The following APBA2 variants were observed in gnomAD, a reference collection of about 807,000 sequenced individuals.
The protein encoded by APBA2 is amyloid-beta A4 precursor protein-binding family A member 2.
Under a neutral mutation model 75.0 loss-of-function variants are expected in APBA2, and 30 were observed. The observed-to-expected ratio is 0.40, with a 90% CI of 0.30 to 0.54. APBA2 has a LOEUF of 0.54. Among genes scored for constraint, APBA2 ranks in the 20% least tolerant of loss-of-function variants. The pLI, the probability that APBA2 is intolerant of heterozygous loss-of-function variation, is 0.49. For missense variants in APBA2, 801 were observed against 1,016.1 expected (o/e 0.79, Z 2.88); for synonymous variants, 444 against 409.6 (o/e 1.08, Z -1.01).
intron 8 of APBA2, among the ~76,000 whole-genome samples, chr15:29,097,457 C>T (rs898655338): frequency 1.3e-5 from 2 of 152,226 alleles, no homozygotes; most frequent in African/African-American, 4.8e-5. Flanking sequence ...AGGTAGATTT[C>T]TGATGGCCAG....
At chr15:28,967,511 C>T (rs11857086) in intron 2 of APBA2, among the ~76,000 whole-genome samples, 14,458 of 151,980 alleles carry the variant, frequency 0.095, 1,480 homozygotes, top group African/African-American at 0.26. Flanking sequence ...CGATCTTGGC[C>T]CACTGCAAGC....
chr15:29,047,047 T>C (rs2041371595), intron 3 of APBA2, among the ~76,000 whole-genome samples: 1 of 152,244 alleles, frequency 6.6e-6, no homozygotes, highest in African/African-American at 2.4e-5. Flanking sequence ...AGGCACATAC[T>C]GTCATTTTCA....
intron 2 of APBA2, among the ~76,000 whole-genome samples, chr15:28,987,905 A>G (rs2038014842): frequency 6.6e-6 from 1 of 151,390 alleles, no homozygotes; most frequent in Non-Finnish European, 1.5e-5. Context: ...TTACAGGCAC[A>G]CACCACCACA....
chr15:29,061,080 A>T (rs552229106), intron 4 of APBA2, among the ~76,000 whole-genome samples: 1 of 152,320 alleles, frequency 6.6e-6, no homozygotes, highest in East Asian at 1.9e-4. Flanking sequence ...GGGGGGCACC[A>T]TAAGAGCGTT....
intron 1 of APBA2, among the ~76,000 whole-genome samples, chr15:28,906,062 C>G (rs2033117167): frequency 6.6e-6 from 1 of 151,902 alleles, no homozygotes; most frequent in Non-Finnish European, 1.5e-5. Flanking sequence ...GTCTTTTACA[C>G]AAATACATGT....
At chr15:28,887,354 AAGGAC>A (rs2031814739) in intron 1 of APBA2, among the ~76,000 whole-genome samples, 1 of 152,140 alleles carries the variant, frequency 6.6e-6, no homozygotes, top group African/African-American at 2.4e-5. Context: ...CTCTTTGAGA[AAGGAC>A]AGTGATTTTA....
At chr15:28,939,892 T>C (rs2035093925) in intron 2 of APBA2, among the ~76,000 whole-genome samples, 1 of 152,146 alleles carries the variant, frequency 6.6e-6, no homozygotes, top group South Asian at 2.1e-4. Flanking sequence ...GGGGGGAACG[T>C]CCAGTCCATA....
intron 6 of APBA2, among the ~76,000 whole-genome samples, chr15:29,084,768 T>A (rs2043216685): frequency 6.6e-6 from 1 of 152,236 alleles, no homozygotes; most frequent in Non-Finnish European, 1.5e-5. Flanking sequence ...GTCTTACAAA[T>A]TTTTGTTGGT....
chr15:29,109,755 C>G lies in APBA2; in HGVS notation c.2037+1366C>G, dbSNP rs567904353. On this transcript the variant is annotated intron_variant, in intron 13 of 14. Coordinates refer to ENST00000683413, the MANE Select transcript of APBA2 (RefSeq NM_001353788.2). The stretch of plus-strand genomic sequence containing the variant: ...CATACCTTCCCTGCTGTGTGACCCT[C>G]AACAAGTCACTGAACGCTCACTGGA... 7.9e-5 allele frequency among the ~76,000 whole-genome samples: 12 copies of G among 152,378 alleles called. No homozygotes were observed. In the South Asian group the frequency reaches 1.7e-3, roughly 21 times the overall value.
chr15:28,894,714 C>T (rs763691892), intron 1 of APBA2, among the ~76,000 whole-genome samples: 6 of 152,144 alleles, frequency 3.9e-5, no homozygotes, highest in South Asian at 2.1e-4. Context: ...CCAATAACAA[C>T]GCATAGTTTA....
intron 2 of APBA2, among the ~76,000 whole-genome samples, chr15:28,922,782 G>A (rs2034043555): frequency 6.6e-6 from 1 of 152,186 alleles, no homozygotes; most frequent in Admixed American, 6.5e-5. Context: ...TCCTGTTCCT[G>A]CCTCTCAACC....
At chr15:29,059,165 A>G (rs1478710587) in intron 4 of APBA2, among the ~76,000 whole-genome samples, 2 of 152,124 alleles carry the variant, frequency 1.3e-5, no homozygotes, top group Non-Finnish European at 1.5e-5. Flanking sequence ...CATACTGTAA[A>G]CAGCTGTTCT....
At chr15:28,923,227 G>A (rs923598399) in intron 2 of APBA2, among the ~76,000 whole-genome samples, 3 of 151,944 alleles carry the variant, frequency 2.0e-5, no homozygotes, top group South Asian at 2.1e-4. Flanking sequence ...TCTCCCCACC[G>A]CCCCTGCCCT....
At chr15:29,038,599 G>C (rs575464429) in intron 3 of APBA2, among the ~76,000 whole-genome samples, 2 of 151,222 alleles carry the variant, frequency 1.3e-5, no homozygotes, top group Admixed American at 1.3e-4. Context: ...CCCAGACTCT[G>C]TCTGGAGTAG....
chr15:28,905,863 T>C (rs753056029), intron 1 of APBA2, among the ~76,000 whole-genome samples: 1 of 152,192 alleles, frequency 6.6e-6, no homozygotes. Context: ...TTTTTTCTGA[T>C]TATGAAATTA....
intron 3 of APBA2, among the ~76,000 whole-genome samples, chr15:29,015,611 T>C (rs1595732332): frequency 6.6e-6 from 1 of 152,204 alleles, no homozygotes; most frequent in African/African-American, 2.4e-5. Context: ...TCATTGTTAG[T>C]TGAGTGAATA....
chr15:29,051,363 G>T (rs556065332), intron 3 of APBA2, among the ~76,000 whole-genome samples: 1 of 152,276 alleles, frequency 6.6e-6, no homozygotes, highest in African/African-American at 2.4e-5. Context: ...TTTTCCTGGT[G>T]TGGGACATCT....
chr15:29,114,703 T>C (rs62007241), intron 14 of APBA2, among the ~76,000 whole-genome samples: 117,312 of 146,454 alleles, frequency 0.8, 47,391 homozygotes, highest in Non-Finnish European at 0.89. Context: ...AATGAGTGTG[T>C]GCGTGCACGT....
At position 29,076,100 on chromosome 15, in the gene APBA2, CT is replaced by C; in HGVS notation, c.1069+12del. ...TCCAAGTTTTGTGGCTGGTAAGTGA[CT>C]TTGAATTTTATTTCTCAAGGGGCAG... On this transcript the variant is annotated intron_variant, in intron 6 of 14. Coordinates refer to ENST00000683413, the MANE Select transcript of APBA2 (RefSeq NM_001353788.2). The C allele has an allele frequency of 6.2e-7, 1 of 1,613,882 alleles. No homozygotes were observed. The highest frequency in any genetic ancestry group is 8.5e-7 in the Non-Finnish European group (1 of 1,179,792).
Sources: allele counts gnomAD v4.1 joint callset (sites outside exome capture counted in the v4.1 genomes callset), GRCh38; gene constraint gnomAD v4.1.1; transcripts MANE v1.5; gene names NCBI Gene and HGNC (gene_info 2026-07-23, HGNC 2026-07-21).